The following SCX variants were observed in gnomAD, a reference collection of about 807,000 sequenced individuals.
SCX encodes the protein basic helix-loop-helix transcription factor scleraxis.
A neutral mutation model predicts 12.2 loss-of-function variants in SCX; 7 were observed. That is an observed-to-expected ratio of 0.57 (90% CI 0.33 to 1.08). The LOEUF (loss-of-function observed/expected upper bound fraction) is 1.08. Ranked by LOEUF, SCX falls within the 50% of genes least tolerant of loss-of-function variation. The pLI, the probability that SCX is intolerant of heterozygous loss-of-function variation, is 0.04. For synonymous variants in SCX, 193 were observed against 163.9 expected (o/e 1.18, Z -1.36); for missense variants, 342 against 337.2 (o/e 1.01, Z -0.11).
At chr8:144,267,636 G>T (rs1000166670) in intron 1 of SCX, among the ~76,000 whole-genome samples, 1 of 152,190 alleles carries the variant, frequency 6.6e-6, no homozygotes, top group Non-Finnish European at 1.5e-5. Flanking sequence ...CCTGCTGTCC[G>T]TCCCCCACCT....
rs1167955339 is a variant in SCX at position 144,267,071 on chromosome 8, C to G, written c.458C>G (p.Ala153Gly). The G allele has an allele frequency of 1.4e-6, 2 of 1,411,220 alleles. No homozygotes were observed. Among genetic ancestry groups the G allele is most frequent in the African/African-American group, 3.0e-5 (2 of 67,096 alleles). The allele number at this position is 1,411,220 out of a possible 1,614,324, so 87.4% of individuals were successfully genotyped here. A position where few individuals can be genotyped will look rare whatever the true frequency, so the allele number is the denominator to read the frequency against. ...CHSGPAFFHA[A>G]RAGSPPPPPP... ...TCCGGGCCCGCCTTCTTCCACGCGGCGCGCGCCGGCAGCCCCCCGCCGCCG... is the reference window on the plus strand; with the variant it reads ...TCCGGGCCCGCCTTCTTCCACGCGGGGCGCGCCGGCAGCCCCCCGCCGCCG... The change falls in exon 1 of 2, where the codon GCG becomes GGG. Residue 153 changes from alanine (A) to glycine (G), a missense_variant. Ala to Gly is a moderately conservative substitution (Grantham distance 60). Around this residue, in one of 3 missense-constraint regions of SCX, gnomAD observed 161 missense variants for 155.7 expected, o/e 1.03. Coordinates refer to ENST00000567180, the MANE Select transcript of SCX (RefSeq NM_001080514.3).
chr8:144,267,929 T>A (rs1446324793), intron 1 of SCX, among the ~76,000 whole-genome samples, 175 bp from the exon 2 acceptor site: 7 of 152,186 alleles, frequency 4.6e-5, no homozygotes, highest in Non-Finnish European at 1.0e-4. Flanking sequence ...TTTTACAATT[T>A]CGGCTGTGCA....
Position 144,266,650 on chromosome 8 carries a change from C to G in SCX, c.37C>G (p.Arg13Gly). Reference sequence around the variant, plus strand: ...CACGCTGCGCCCGGCGCCGCCGGGCCGCTACCTGTACCCCGAGGTGAGCCC... The same window carrying G: ...CACGCTGCGCCCGGCGCCGCCGGGCGGCTACCTGTACCCCGAGGTGAGCCC... ...FATLRPAPPG[R>G]YLYPEVSPLS... The change falls in exon 1 of 2, where the codon CGC becomes GGC. Residue 13 changes from arginine (R) to glycine (G), a missense_variant. Physicochemically the swap from Arg to Gly is moderately radical, Grantham distance 125 (BLOSUM62 -2). Around this residue, in one of 3 missense-constraint regions of SCX, gnomAD observed 139 missense variants for 107.8 expected, o/e 1.29. Transcript: ENST00000567180. The G allele has an allele frequency of 8.0e-7, 1 of 1,252,922 alleles. No homozygotes were observed. Among genetic ancestry groups the G allele is most frequent in the Non-Finnish European group, 1.0e-6 (1 of 979,316 alleles). The allele number at this position is 1,252,922 out of a possible 1,614,324, so 77.6% of individuals were successfully genotyped here.
chr8:144,266,643 G>T lies in SCX; in HGVS notation c.30G>T (p.Pro10=). The T allele has an allele frequency of 8.0e-7, 1 of 1,243,838 alleles. No homozygotes were observed. The highest frequency in any genetic ancestry group is 3.1e-5 in the Admixed American group (1 of 32,060). 77.1% of individuals were successfully genotyped at this position (1,243,838 alleles called of 1,614,324 possible). The change falls in exon 1 of 2, where the codon CCG becomes CCT. Residue 10 remains proline, a synonymous_variant. Coordinates refer to ENST00000567180, the MANE Select transcript of SCX (RefSeq NM_001080514.3). MSFATLRPA[P]PGRYLYPEVS... ...CCTTCGCCACGCTGCGCCCGGCGCC[G>T]CCGGGCCGCTACCTGTACCCCGAGG...
intron 1 of SCX, among the ~76,000 whole-genome samples, 155 bp downstream of exon 1, chr8:144,267,335 C>T (rs1290312926): frequency 2.6e-5 from 4 of 151,982 alleles, no homozygotes; most frequent in Non-Finnish European, 4.4e-5. Flanking sequence ...CTGGGGCCTT[C>T]TCCTGGGGCT....
At chr8:144,268,074 G>C in intron 1 of SCX, 30 bp from the exon 2 acceptor site, 1 of 1,549,802 alleles carries the variant, frequency 6.5e-7, no homozygotes, top group Non-Finnish European at 8.7e-7. Flanking sequence ...GGCTCTGCCG[G>C]GGCCTGACAC....
chr8:144,267,809 G>A (rs1029834030), intron 1 of SCX, among the ~76,000 whole-genome samples: 5 of 152,200 alleles, frequency 3.3e-5, no homozygotes, highest in Non-Finnish European at 7.3e-5. Flanking sequence ...TGGTGGCACC[G>A]GAAAAGCAGG....
chr8:144,268,129 C>G lies in SCX; in HGVS notation c.593C>G (p.Ala198Gly). The G allele has an allele frequency of 6.4e-7, 1 of 1,551,808 alleles. No homozygotes were observed. Among genetic ancestry groups the G allele is most frequent in the Non-Finnish European group, 8.7e-7 (1 of 1,147,602 alleles). The change falls in exon 2 of 2, where the codon GCG becomes GGG. Residue 198 changes from alanine (A) to glycine (G), a missense_variant. Transcript: ENST00000567180. ...KLSKDRDRKT[A>G]IRS Reference sequence around the variant, plus strand: ...AGCAAGGACCGCGACAGAAAGACAGCGATTCGCAGTTAGGAGGTGGCCGGC... The same window carrying G: ...AGCAAGGACCGCGACAGAAAGACAGGGATTCGCAGTTAGGAGGTGGCCGGC...
At position 144,266,893 on chromosome 8, in the gene SCX, G is replaced by T; in HGVS notation, c.280G>T (p.Ala94Ser). The T allele has an allele frequency of 6.6e-7, 1 of 1,519,784 alleles. No individual in the cohort carries two copies. 94.1% of individuals were successfully genotyped at this position (1,519,784 alleles called of 1,614,324 possible). A position where few individuals can be genotyped will look rare whatever the true frequency, so the allele number is the denominator to read the frequency against. ...ERDRTNSVNT[A>S]FTALRTLIPT... ...AGACCGCACCAACAGCGTGAACACG[G>T]CCTTCACGGCGCTGCGCACGCTGAT... is the stretch of plus-strand genomic sequence containing the variant. The change falls in exon 1 of 2, where the codon GCC becomes TCC. Residue 94 changes from alanine to serine, a missense_variant. This residue lies in a region of SCX where 42 missense variants were observed against 73.7 expected (regional missense o/e 0.57). Transcript: ENST00000567180.
rs955530469 is a variant in SCX, at chr8:144,267,669, G to A, written c.568-435G>A. ...CCTAGGCCGCACACCAAGACACCAG[G>A]TCCTGTAGGGCTGCCCGAGACGTGG... On this transcript the variant is annotated intron_variant, in intron 1 of 1. Transcript: ENST00000567180. Among the ~76,000 whole-genome samples, 5 of 152,144 alleles carry A rather than the reference G, an allele frequency of 3.3e-5. No homozygotes were observed. The East Asian group carries it at 7.7e-4, about 24-fold the overall frequency.
chr8:144,267,087 C>T lies in SCX; in HGVS notation c.474C>T (p.Pro158=), dbSNP rs1225601113. 2.2e-6 allele frequency: 3 copies of T among 1,367,502 alleles called. 1 individual carries two copies. The highest frequency in any genetic ancestry group is 3.2e-5 in the East Asian group (1 of 31,492). 84.7% of individuals were successfully genotyped at this position (1,367,502 alleles called of 1,614,324 possible). ...TCCACGCGGCGCGCGCCGGCAGCCC[C>T]CCGCCGCCGCCCCCGCCGCCTCCCG... The part of the protein sequence containing the change: ...AFFHAARAGS[P]PPPPPPPPAR... The change falls in exon 1 of 2, where the codon CCC becomes CCT. Residue 158 remains proline (P), a synonymous_variant. Coordinates refer to ENST00000567180, the MANE Select transcript of SCX (RefSeq NM_001080514.3).
chr8:144,266,772 G>A lies in SCX; in HGVS notation c.159G>A (p.Arg53=). The change falls in exon 1 of 2, where the codon CGG becomes CGA. Residue 53 remains arginine (R), a synonymous_variant. Coordinates refer to ENST00000567180, the MANE Select transcript of SCX (RefSeq NM_001080514.3). ...CGCGCTGCGGCCTCCAGGGCGCCCGGCGGAGGGCGGGGGGCCGGCGGGCCG... is the reference window on the plus strand; with the variant it reads ...CGCGCTGCGGCCTCCAGGGCGCCCGACGGAGGGCGGGGGGCCGGCGGGCCG... ...HAARCGLQGA[R]RRAGGRRAGG... The A allele has an allele frequency of 3.7e-6, 4 of 1,080,854 alleles. No homozygotes were observed. The highest frequency in any genetic ancestry group is 4.5e-6 in the Non-Finnish European group (4 of 892,496). The allele number at this position is 1,080,854 out of a possible 1,614,324, so 67.0% of individuals were successfully genotyped here.
chr8:144,267,399 T>C (rs1845399842), intron 1 of SCX, among the ~76,000 whole-genome samples: 3 of 152,088 alleles, frequency 2.0e-5, no homozygotes, highest in Admixed American at 2.0e-4. Flanking sequence ...TGGAGTCCCC[T>C]GCAGGGAGCT....
intron 1 of SCX, 24 bp from the exon 2 acceptor site, chr8:144,268,080 G>C: frequency 6.5e-7 from 1 of 1,550,062 alleles, no homozygotes; most frequent in Non-Finnish European, 8.7e-7. Context: ...GCCGGGGCCT[G>C]ACACTCCTCC....
Position 144,267,003 on chromosome 8 carries a change from G to C in SCX, c.390G>C (p.Val130=). 6.5e-7 allele frequency: 1 copy of C among 1,543,072 alleles called. No individual in the cohort carries two copies. ...ASSYISHLGN[V]LLAGEACGDG... Reference sequence around the variant, plus strand: ...GCTACATCTCGCACCTGGGCAACGTGCTGCTGGCGGGCGAGGCCTGCGGCG... The same window carrying C: ...GCTACATCTCGCACCTGGGCAACGTCCTGCTGGCGGGCGAGGCCTGCGGCG... The change falls in exon 1 of 2, where the codon GTG becomes GTC. Residue 130 remains valine (V), a synonymous_variant. Transcript: ENST00000567180.
rs1318146863 is a variant in SCX at position 144,266,949 on chromosome 8, C to T, written c.336C>T (p.Ser112=). 1.9e-6 allele frequency: 3 copies of T among 1,560,548 alleles called. No homozygotes were observed. Among genetic ancestry groups the T allele is most frequent in the African/African-American group, 2.8e-5 (2 of 71,536 alleles). ...CCGAGCCCGCCGACCGCAAGCTCTC[C>T]AAGATTGAGACGCTGCGCCTGGCCT... ...IPTEPADRKL[S]KIETLRLASS... Residue 112 remains serine (S), a synonymous_variant, in exon 1 of 2, where the codon TCC becomes TCT. Transcript: ENST00000567180.
At chr8:144,267,714 G>C (rs1199964585) in intron 1 of SCX, among the ~76,000 whole-genome samples, 8 of 152,174 alleles carry the variant, frequency 5.3e-5, no homozygotes, top group Admixed American at 4.6e-4. Context: ...CACGAAGGCA[G>C]AGGCTGGCAG....
chr8:144,268,012 C>A, intron 1 of SCX, 92 bp from the exon 2 acceptor site: 1 of 1,539,396 alleles, frequency 6.5e-7, no homozygotes, highest in Non-Finnish European at 8.8e-7. Flanking sequence ...TTGGCGCTGG[C>A]CACCTGAGAT....
chr8:144,268,210 C>G lies in SCX; in HGVS notation c.*68C>G. ...GGTGGACGCCCGGGGTGACTGCAGACAGCCCCCACCTTGGACCTGAGCTGG... is the reference window on the plus strand; with the variant it reads ...GGTGGACGCCCGGGGTGACTGCAGAGAGCCCCCACCTTGGACCTGAGCTGG... On this transcript the variant is annotated 3_prime_UTR_variant, in exon 2 of 2. Coordinates refer to ENST00000567180, the MANE Select transcript of SCX (RefSeq NM_001080514.3). 1.9e-6 allele frequency: 3 copies of G among 1,545,192 alleles called. No individual in the cohort carries two copies. The highest frequency in any genetic ancestry group is 2.6e-6 in the Non-Finnish European group (3 of 1,144,078).
Sources: gnomAD v4.1 joint callset for allele counts (sites outside exome capture counted in the v4.1 genomes callset) on GRCh38, gnomAD v4.1.1 for gene constraint, gnomAD v4.1.1 regional missense constraint, MANE v1.5 for transcripts, NCBI Gene and HGNC (gene_info 2026-07-23, HGNC 2026-07-21) for gene names.